Variants in C3orf22 observed in about 807,000 individuals in gnomAD.
The protein encoded by C3orf22 is chromosome 3 open reading frame 22, also known as uncharacterized protein C3orf22.
C3orf22 carries 7 observed loss-of-function variants against 10.8 expected under a neutral mutation model. That is an observed-to-expected ratio of 0.65 (90% CI 0.37 to 1.22). The LOEUF is 1.22. Among genes scored for constraint, C3orf22 ranks in the 50% most tolerant of loss-of-function variants. C3orf22 has a pLI of 0.02. For synonymous variants in C3orf22, 79 were observed against 78.9 expected (o/e 1.00, Z 0.00); for missense variants, 173 against 177.0 (o/e 0.98, Z 0.13).
At chr3:126,542,302 G>T in intron 4 of C3orf22, 1 of 1,566,832 alleles carries the variant, frequency 6.4e-7, no homozygotes, top group Non-Finnish European at 8.6e-7. Context: ...GGGAGCGCGC[G>T]CACGCGCTCT....
chr3:126,539,742 CCCA>C (rs1172548863), intron 4 of C3orf22, among the ~76,000 whole-genome samples: 6 of 108,526 alleles, frequency 5.5e-5, no homozygotes, highest in Admixed American at 3.6e-4. Flanking sequence ...ACACACACAC[CCCA>C]CACCACACAC....
chr3:126,553,629 C>A (rs1240076553), intron 1 of C3orf22, among the ~76,000 whole-genome samples, 199 bp from the exon 2 acceptor site: 1 of 152,224 alleles, frequency 6.6e-6, no homozygotes, highest in Admixed American at 6.5e-5. Flanking sequence ...TCACCAGACG[C>A]TCTCCCCAAG....
chr3:126,541,570 C>G (rs1389181460), intron 4 of C3orf22, among the ~76,000 whole-genome samples: 2 of 152,194 alleles, frequency 1.3e-5, no homozygotes, highest in Non-Finnish European at 2.9e-5. Flanking sequence ...ATGCCCGGGC[C>G]CTAAACCACA....
chr3:126,551,004 G>A lies in C3orf22; in HGVS notation c.216-926C>T, dbSNP rs188051613. 4.6e-5 allele frequency among the ~76,000 whole-genome samples: 7 copies of A among 152,392 alleles called. No individual in the cohort carries two copies. In the East Asian group the frequency reaches 1.4e-3, roughly 29 times the overall value. The stretch of plus-strand genomic sequence containing the variant: ...AGCCCCATTGCTTCAGCTCGGCGAT[G>A]TGGGGCAAAAGCCTGGGGATCTGAT... On this transcript the variant is annotated intron_variant, in intron 3 of 3. Transcript: ENST00000318225.
chr3:126,548,696 G>A (rs1171645931), downstream of C3orf22, among the ~76,000 whole-genome samples: 2 of 152,172 alleles, frequency 1.3e-5, no homozygotes, highest in South Asian at 4.1e-4. Flanking sequence ...CTTGGCTGGG[G>A]CGGCACAGTG....
downstream of C3orf22, among the ~76,000 whole-genome samples, chr3:126,546,503 T>C (rs192429112): frequency 8.1e-4 from 124 of 152,222 alleles, no homozygotes; most frequent in Middle Eastern, 3.4e-3. Context: ...GGATGCGGTC[T>C]CCATGGTGGG....
In C3orf22 at chr3:126,550,035, C is replaced by T. The variant is rs142130143; in HGVS notation, c.259G>A (p.Ala87Thr). The part of the protein sequence containing the change: ...DFTSPSGSCP[A>T]PLPAPSPPPL... Reference sequence around the variant, plus strand: ...GGTGGTGATGGTGCTGGTAGTGGTGCCGGGCAGGAGCCAGACGGTGATGTA... The same window carrying T: ...GGTGGTGATGGTGCTGGTAGTGGTGTCGGGCAGGAGCCAGACGGTGATGTA... The change falls in exon 4 of 4, where the codon GCA (alanine) becomes ACA (threonine). Residue 87 changes from alanine to threonine, a missense_variant. Transcript: ENST00000318225. 3.1e-6 allele frequency: 5 copies of T among 1,613,822 alleles called. No individual in the cohort carries two copies. In the African/African-American group the frequency reaches 5.3e-5, roughly 17 times the overall value.
chr3:126,536,142 T>C, intron 4 of C3orf22: 2 of 684,494 alleles, frequency 2.9e-6, no homozygotes, highest in Non-Finnish European at 5.2e-6. Context: ...CCCTAGGAGG[T>C]AGGCAAGATC....
intron 4 of C3orf22, chr3:126,542,388 G>C (rs759879260): frequency 2.6e-6 from 4 of 1,556,412 alleles, no homozygotes; most frequent in Non-Finnish European, 3.5e-6. Context: ...TTCGTGCTGG[G>C]CCTGGCGGGC....
downstream of C3orf22, among the ~76,000 whole-genome samples, chr3:126,547,898 G>A (rs1215057514): frequency 6.6e-6 from 1 of 152,204 alleles, no homozygotes; most frequent in East Asian, 1.9e-4. Flanking sequence ...ACACATCATG[G>A]AATGAGAAAC....
At chr3:126,549,690 A>C (rs1937135491), downstream of C3orf22, 2 of 1,525,762 alleles carry the variant, frequency 1.3e-6, no homozygotes, top group Admixed American at 2.0e-5. Flanking sequence ...TCCAGCTGGA[A>C]GTGGGGTGGG....
chr3:126,549,324 C>G (rs1274546955), downstream of C3orf22, among the ~76,000 whole-genome samples: 2 of 151,872 alleles, frequency 1.3e-5, no homozygotes, highest in Non-Finnish European at 2.9e-5. Context: ...CAGACACACT[C>G]TTCTGCTGTG....
At chr3:126,538,890 A>C (rs1330282817) in intron 4 of C3orf22, among the ~76,000 whole-genome samples, 1 of 152,162 alleles carries the variant, frequency 6.6e-6, no homozygotes, top group African/African-American at 2.4e-5. Flanking sequence ...ATGTAAGCAC[A>C]TGACATGGCA....
chr3:126,540,951 C>T (rs1936944777), intron 4 of C3orf22, among the ~76,000 whole-genome samples: 1 of 152,120 alleles, frequency 6.6e-6, no homozygotes, highest in Admixed American at 6.5e-5. Context: ...AACTCTTACA[C>T]AAAAAATCAT....
chr3:126,530,377 C>T (rs744232), intron 4 of C3orf22, among the ~76,000 whole-genome samples: 4,038 of 152,338 alleles, frequency 0.027, 88 homozygotes, highest in African/African-American at 0.061. Flanking sequence ...CAAGGGCTGG[C>T]GTTTCCGGAA....
At chr3:126,546,743 G>T (rs577511905), downstream of C3orf22, among the ~76,000 whole-genome samples, 53 of 152,248 alleles carry the variant, frequency 3.5e-4, no homozygotes, top group African/African-American at 1.2e-3. Context: ...TTGCTACGGT[G>T]GTCCCAGCAG....
At chr3:126,534,290 A>G (rs1936716738) in intron 4 of C3orf22, among the ~76,000 whole-genome samples, 1 of 152,294 alleles carries the variant, frequency 6.6e-6, no homozygotes, top group African/African-American at 2.4e-5. Context: ...CTATGCATAA[A>G]AAGATATTCC....
At chr3:126,542,822 C>T (rs1281165476) in intron 4 of C3orf22, 2 of 437,582 alleles carry the variant, frequency 4.6e-6, no homozygotes, top group East Asian at 8.1e-5. Flanking sequence ...CTTGCTCCAG[C>T]TGACAGGCAC....
chr3:126,535,222 TAGAC>T (rs1936753977), intron 4 of C3orf22, among the ~76,000 whole-genome samples: 1 of 40,708 alleles, frequency 2.5e-5, no homozygotes, highest in African/African-American at 9.1e-5. Context: ...CCCCAGCCGG[TAGAC>T]AGACAGCATC....
Sources: gnomAD v4.1 joint callset for allele counts (sites outside exome capture counted in the v4.1 genomes callset) on GRCh38, gnomAD v4.1.1 for gene constraint, MANE v1.5 for transcripts, NCBI Gene and HGNC (gene_info 2026-07-23, HGNC 2026-07-21) for gene names.